Variants in SLC4A4 observed in about 807,000 individuals in gnomAD.
The protein encoded by SLC4A4 is electrogenic sodium bicarbonate cotransporter 1.
SLC4A4 carries 27 observed loss-of-function variants against 111.5 expected under a neutral mutation model. The ratio of observed to expected loss-of-function variants is 0.24; its 90% CI spans 0.18 to 0.33. The LOEUF (loss-of-function observed/expected upper bound fraction) is 0.33. Among genes scored for constraint, SLC4A4 ranks in the 10% least tolerant of loss-of-function variants. SLC4A4 has a pLI of 1.00. For missense variants in SLC4A4, 909 were observed against 1,315.5 expected (o/e 0.69, Z 4.78); for synonymous variants, 443 against 463.4 (o/e 0.96, Z 0.57).
At chr4:71,425,591 G>A (rs1723051180) in intron 7 of SLC4A4, among the ~76,000 whole-genome samples, 2 of 152,110 alleles carry the variant, frequency 1.3e-5, no homozygotes, top group Non-Finnish European at 2.9e-5. Context: ...GTCGGCTACA[G>A]CTTGGTTTTA....
At chr4:71,101,724 G>C (rs1742742066) in intron 2 of SLC4A4, among the ~76,000 whole-genome samples, 1 of 152,040 alleles carries the variant, frequency 6.6e-6, no homozygotes, top group Non-Finnish European at 1.5e-5. Context: ...TCTGTTAGAA[G>C]GAAAACTAAC....
chr4:71,558,538 A>G (rs1281086745), intron 22 of SLC4A4, among the ~76,000 whole-genome samples: 1 of 151,976 alleles, frequency 6.6e-6, no homozygotes, highest in Non-Finnish European at 1.5e-5. Flanking sequence ...ATTTGGCATC[A>G]CTACTGAATT....
intron 3 of SLC4A4, among the ~76,000 whole-genome samples, chr4:71,320,969 G>A (rs574738038): frequency 6.6e-6 from 1 of 152,054 alleles, no homozygotes; most frequent in Non-Finnish European, 1.5e-5. Context: ...ATGCCTTGAA[G>A]TGTTATATAT....
chr4:71,306,184 T>A (rs1336231304), intron 3 of SLC4A4, among the ~76,000 whole-genome samples: 2 of 152,230 alleles, frequency 1.3e-5, no homozygotes, highest in Non-Finnish European at 2.9e-5. Flanking sequence ...GAGCATAGGT[T>A]CTGAAGTCAG....
intron 7 of SLC4A4, among the ~76,000 whole-genome samples, chr4:71,406,312 T>C (rs531045295): frequency 4.4e-3 from 381 of 87,560 alleles, no homozygotes; most frequent in Non-Finnish European, 7.0e-3. Flanking sequence ...AATAAAAAGA[T>C]GAGCCAACAC....
chr4:71,110,885 A>G (rs186001487), intron 2 of SLC4A4, among the ~76,000 whole-genome samples: 1 of 152,262 alleles, frequency 6.6e-6, no homozygotes, highest in Admixed American at 6.5e-5. Context: ...GTTTACCTAC[A>G]TTTCCTTCTC....
intron 3 of SLC4A4, among the ~76,000 whole-genome samples, chr4:71,307,705 G>A (rs114552585): frequency 1.7e-3 from 266 of 152,308 alleles, no homozygotes; most frequent in African/African-American, 5.8e-3. Flanking sequence ...ATAAATGGAA[G>A]CAGTGCATTC....
chr4:71,492,570 AG>A (rs1317559628), intron 15 of SLC4A4, among the ~76,000 whole-genome samples: 2 of 151,998 alleles, frequency 1.3e-5, no homozygotes, highest in Non-Finnish European at 1.5e-5. Flanking sequence ...ATCCGCTGTT[AG>A]ATCCCCACAC....
At chr4:71,209,327 C>G (rs976229652) in intron 1 of SLC4A4, among the ~76,000 whole-genome samples, 4 of 152,152 alleles carry the variant, frequency 2.6e-5, no homozygotes, top group Non-Finnish European at 4.4e-5. Context: ...GCACATTCCT[C>G]CCTAATGTGT....
chr4:71,064,880 G>A (rs1235338082), intron 1 of SLC4A4, among the ~76,000 whole-genome samples: 1 of 152,218 alleles, frequency 6.6e-6, no homozygotes, highest in African/African-American at 2.4e-5. Flanking sequence ...TCTATAAAAT[G>A]AGGGTGATAA....
chr4:71,215,314 T>G (rs1287862637), intron 1 of SLC4A4, among the ~76,000 whole-genome samples: 2 of 152,240 alleles, frequency 1.3e-5, no homozygotes, highest in Non-Finnish European at 2.9e-5. Context: ...TGTGTTCTGG[T>G]CCTGTCCAAG....
At chr4:71,447,165 C>T (rs1725315344) in intron 8 of SLC4A4, among the ~76,000 whole-genome samples, 1 of 152,170 alleles carries the variant, frequency 6.6e-6, no homozygotes, top group Non-Finnish European at 1.5e-5. Context: ...GATTCCCAGT[C>T]ACTTCTGAGT....
intron 20 of SLC4A4, among the ~76,000 whole-genome samples, chr4:71,553,866 G>A (rs754965268): frequency 3.3e-5 from 5 of 151,738 alleles, no homozygotes; most frequent in East Asian, 1.9e-4. Flanking sequence ...TCCTACCCCC[G>A]TCAACATTCT....
intron 2 of SLC4A4, among the ~76,000 whole-genome samples, chr4:71,176,380 C>T (rs558354409): frequency 1.7e-4 from 26 of 152,044 alleles, no homozygotes; most frequent in Admixed American, 6.6e-5. Context: ...CAAACTACTC[C>T]GAGCTAAAGG....
chr4:71,072,981 C>T (rs935854827), intron 1 of SLC4A4, among the ~76,000 whole-genome samples: 3 of 151,858 alleles, frequency 2.0e-5, no homozygotes, highest in East Asian at 1.9e-4. Context: ...GACGGGGTTT[C>T]GCCATGAACT....
intron 3 of SLC4A4, among the ~76,000 whole-genome samples, chr4:71,288,055 A>G (rs972319535): frequency 5.9e-5 from 9 of 152,174 alleles, no homozygotes; most frequent in East Asian, 5.8e-4. Context: ...TTAAATCTCT[A>G]TCCACTGAGA....
intron 7 of SLC4A4, among the ~76,000 whole-genome samples, chr4:71,403,607 A>G (rs937235425): frequency 2.0e-5 from 3 of 152,178 alleles, no homozygotes; most frequent in African/African-American, 7.2e-5. Context: ...TAGAGGCCTA[A>G]GGCAGAAATG....
intron 14 of SLC4A4, among the ~76,000 whole-genome samples, chr4:71,474,008 C>T (rs2149110145): frequency 6.6e-6 from 1 of 151,458 alleles, no homozygotes; most frequent in South Asian, 2.1e-4. Flanking sequence ...TGAGACCAGT[C>T]CGGGCAACAT....
intron 1 of SLC4A4, among the ~76,000 whole-genome samples, chr4:71,075,960 A>G (rs1354203690): frequency 1.2e-5 from 1 of 81,910 alleles, no homozygotes; most frequent in East Asian, 2.7e-4. Flanking sequence ...TCCATCTCTA[A>G]ATAAATAAAT....
Sources: gnomAD v4.1 joint callset for allele counts (sites outside exome capture counted in the v4.1 genomes callset) on GRCh38, gnomAD v4.1.1 for gene constraint, MANE v1.5 for transcripts, NCBI Gene and HGNC (gene_info 2026-07-23, HGNC 2026-07-21) for gene names.